SEZ6L: variants seen among roughly 807,000 people sequenced by gnomAD.
SEZ6L encodes the protein seizure related 6 homolog like.
A neutral mutation model predicts 106.2 loss-of-function variants in SEZ6L; 37 were observed. That is an observed-to-expected ratio of 0.35 (90% CI 0.27 to 0.46). SEZ6L has a LOEUF of 0.46. SEZ6L is among the 20% of genes least tolerant of loss of function. The pLI, the probability that SEZ6L is intolerant of heterozygous loss-of-function variation, is 1.00. For missense variants in SEZ6L, 1,172 were observed against 1,332.8 expected, an observed-to-expected ratio of 0.88 and a Z score of 1.88; for synonymous variants, 541 against 570.4, an observed-to-expected ratio of 0.95 and a Z score of 0.73.
intron 6 of SEZ6L, among the ~76,000 whole-genome samples, chr22:26,310,308 G>C (rs1481751642): frequency 6.6e-6 from 1 of 152,190 alleles, no homozygotes; most frequent in Non-Finnish European, 1.5e-5. Flanking sequence ...GGCCAAGGCG[G>C]GTGGATCACC....
intron 10 of SEZ6L, among the ~76,000 whole-genome samples, chr22:26,345,648 C>T (rs2082984811): frequency 6.6e-6 from 1 of 152,192 alleles, no homozygotes; most frequent in African/African-American, 2.4e-5. Context: ...ATGAGATCTC[C>T]TTTCCCCAAA....
chr22:26,175,019 G>A (rs1203841667), intron 1 of SEZ6L, among the ~76,000 whole-genome samples: 1 of 152,168 alleles, frequency 6.6e-6, no homozygotes, highest in Non-Finnish European at 1.5e-5. Flanking sequence ...AGGGATTGAA[G>A]TCCAGCCTCA....
At chr22:26,305,609 G>A (rs1164710969) in intron 5 of SEZ6L, among the ~76,000 whole-genome samples, 1 of 152,218 alleles carries the variant, frequency 6.6e-6, no homozygotes, top group African/African-American at 2.4e-5. Context: ...TGAACTGCCT[G>A]TTTATATCCT....
intron 1 of SEZ6L, among the ~76,000 whole-genome samples, chr22:26,273,384 C>T (rs2080434581): frequency 6.6e-6 from 1 of 152,270 alleles, no homozygotes; most frequent in African/African-American, 2.4e-5. Context: ...TTAAATTTGC[C>T]TCCTCCTATG....
At chr22:26,296,300 G>C (rs1378196549) in intron 3 of SEZ6L, among the ~76,000 whole-genome samples, 1 of 152,188 alleles carries the variant, frequency 6.6e-6, no homozygotes, top group Non-Finnish European at 1.5e-5. Flanking sequence ...GAATGGGCCA[G>C]AGAGTGCCCT....
At chr22:26,335,455 G>A (rs1441386453) in intron 9 of SEZ6L, among the ~76,000 whole-genome samples, 2 of 152,170 alleles carry the variant, frequency 1.3e-5, no homozygotes, top group Non-Finnish European at 2.9e-5. Flanking sequence ...GGCATGGGAG[G>A]TAAGGGAATA....
At position 26,319,747 on chromosome 22, in the gene SEZ6L, A is replaced by G. The variant is rs572917526; in HGVS notation, c.2015+5845A>G. ...CACCTCCACCTGGAATGTCACCTCC[A>G]GGAGAAGAGCAGGAGTTTATTTTTT... On this transcript the variant is annotated intron_variant, in intron 9 of 16. Transcript: ENST00000248933. Among the ~76,000 whole-genome samples, 366 of 152,356 alleles carry G rather than the reference A, an allele frequency of 2.4e-3. 4 individuals carry two copies. The highest frequency in any genetic ancestry group is 8.4e-3 in the African/African-American group (348 of 41,586).
At chr22:26,244,163 A>AAAAGAAAGAAAGAAAGAAAGAAAG (rs147675419) in intron 1 of SEZ6L, among the ~76,000 whole-genome samples, 1,832 of 149,564 alleles carry the variant, frequency 0.012, 15 homozygotes, top group Admixed American at 0.018. Context: ...ACCCTATCTC[A>AAAAGAAAGAAAGAAAGAAAGAAAG]AAAGAAAGAA....
At chr22:26,256,747 G>A (rs914263999) in intron 1 of SEZ6L, among the ~76,000 whole-genome samples, 7 of 152,126 alleles carry the variant, frequency 4.6e-5, no homozygotes, top group East Asian at 1.9e-4. Flanking sequence ...AGACCCTTCC[G>A]CAGACCCACT....
At chr22:26,204,292 A>G (rs1012412128) in intron 1 of SEZ6L, among the ~76,000 whole-genome samples, 1 of 152,210 alleles carries the variant, frequency 6.6e-6, no homozygotes, top group Non-Finnish European at 1.5e-5. Context: ...GATCATACAC[A>G]TAATTACTAA....
At chr22:26,332,556 C>T (rs1194583443) in intron 9 of SEZ6L, among the ~76,000 whole-genome samples, 1 of 152,072 alleles carries the variant, frequency 6.6e-6, no homozygotes, top group Non-Finnish European at 1.5e-5. Context: ...AAGTGATCTT[C>T]CCACCTCAGC....
intron 1 of SEZ6L, among the ~76,000 whole-genome samples, chr22:26,197,494 C>T (rs1940658262): frequency 6.6e-6 from 1 of 152,130 alleles, no homozygotes; most frequent in African/African-American, 2.4e-5. Context: ...GAGAGAACTG[C>T]AACTCTGCTG....
chr22:26,281,614 G>A (rs2080773242), intron 1 of SEZ6L, among the ~76,000 whole-genome samples: 1 of 152,066 alleles, frequency 6.6e-6, no homozygotes. Context: ...TCCTGACCTC[G>A]TGGTCCGCCC....
intron 1 of SEZ6L, among the ~76,000 whole-genome samples, chr22:26,264,052 A>G (rs1205235011): frequency 6.6e-6 from 1 of 152,204 alleles, no homozygotes; most frequent in East Asian, 1.9e-4. Flanking sequence ...CAGAGCATCT[A>G]AATCCTGCAA....
intron 10 of SEZ6L, among the ~76,000 whole-genome samples, chr22:26,341,834 A>G (rs891147026): frequency 6.6e-6 from 1 of 152,190 alleles, no homozygotes; most frequent in East Asian, 1.9e-4. Flanking sequence ...ATCCAAACAC[A>G]TGTCCCCGTC....
intron 1 of SEZ6L, among the ~76,000 whole-genome samples, chr22:26,261,837 G>A (rs1239933981): frequency 6.6e-6 from 1 of 152,148 alleles, no homozygotes; most frequent in Non-Finnish European, 1.5e-5. Context: ...AAATTGATAC[G>A]AGTATTTTGG....
At chr22:26,276,932 G>A (rs1342345865) in intron 1 of SEZ6L, among the ~76,000 whole-genome samples, 1 of 152,204 alleles carries the variant, frequency 6.6e-6, no homozygotes, top group African/African-American at 2.4e-5. Context: ...CATTCACGAG[G>A]AAGATGGATG....
intron 1 of SEZ6L, among the ~76,000 whole-genome samples, chr22:26,265,351 G>A (rs2080142108): frequency 6.6e-6 from 1 of 152,158 alleles, no homozygotes. Context: ...CCGCACGCAA[G>A]TTCTGAGCTG....
At chr22:26,345,891 A>G (rs1395329009) in intron 10 of SEZ6L, among the ~76,000 whole-genome samples, 2 of 152,240 alleles carry the variant, frequency 1.3e-5, no homozygotes, top group Non-Finnish European at 2.9e-5. Context: ...AGAAAAACAG[A>G]ACAATTACAG....
Sources: gnomAD v4.1 joint callset for allele counts (sites outside exome capture counted in the v4.1 genomes callset) on GRCh38, gnomAD v4.1.1 for gene constraint, MANE v1.5 for transcripts, NCBI Gene and HGNC (gene_info 2026-07-23, HGNC 2026-07-21) for gene names.